PCDHA8: variants seen among roughly 807,000 people sequenced by gnomAD.
The protein encoded by PCDHA8 is protocadherin alpha 8, also known as protocadherin alpha-8.
PCDHA8 carries 53 observed loss-of-function variants against 61.8 expected under a neutral mutation model. That is an observed-to-expected ratio of 0.86 (90% CI 0.69 to 1.08). PCDHA8 has a LOEUF of 1.08. Among genes scored for constraint, PCDHA8 ranks in the 50% least tolerant of loss-of-function variants. PCDHA8 has a pLI of 0.00. For synonymous variants in PCDHA8, 618 were observed against 556.6 expected, an observed-to-expected ratio of 1.11 and a Z score of -1.55; for missense variants, 1,293 against 1,245.0, an observed-to-expected ratio of 1.04 and a Z score of -0.58.
intron 3 of PCDHA8, among the ~76,000 whole-genome samples, chr5:141,000,385 CTCTCTCTCTCTATATA>C (rs1454405199): frequency 1.1e-4 from 7 of 64,984 alleles, no homozygotes; most frequent in African/African-American, 4.8e-4. Flanking sequence ...CTCTCTCTCT[CTCTCTCTCTCTATATA>C]TATATATATA....
At position 140,942,948 on chromosome 5, in the gene PCDHA8, C is replaced by T. The variant is rs534534050; in HGVS notation, c.2395-36001C>T. 1.4e-4 allele frequency among the ~76,000 whole-genome samples: 22 copies of T among 151,804 alleles called. No individual in the cohort carries two copies. The South Asian group carries it at 4.0e-3, about 27-fold the overall frequency. On this transcript the variant is annotated intron_variant, in intron 1 of 3. Transcript: ENST00000531613. ...ATTGAAAAAGAGTTTAAAGTGTAGA[C>T]GTTCTGTTATCAGAATTAAATTTTG... is the stretch of plus-strand genomic sequence containing the variant.
Position 140,847,724 on chromosome 5 carries a change from A to G in PCDHA8, c.2394+4009A>G, listed in dbSNP as rs2150403013. 2.0e-5 allele frequency: 3 copies of G among 150,110 alleles called. No individual in the cohort carries two copies. The South Asian group carries it at 6.3e-4, about 32-fold the overall frequency. 9.3% of individuals were successfully genotyped at this position (150,110 alleles called of 1,614,324 possible). ...ACAGATTGTATAAATGCTACAAAAGAGAAAAATATATTTTCTCCCCACGCA... is the reference window on the plus strand; with the variant it reads ...ACAGATTGTATAAATGCTACAAAAGGGAAAAATATATTTTCTCCCCACGCA... On this transcript the variant is annotated intron_variant, in intron 1 of 3. Transcript: ENST00000531613.
intron 1 of PCDHA8, among the ~76,000 whole-genome samples, chr5:140,890,258 A>G (rs2062565845): frequency 6.6e-6 from 1 of 152,030 alleles, no homozygotes; most frequent in East Asian, 1.9e-4. Flanking sequence ...ACTGCACCTG[A>G]TTGCAAGCAA....
chr5:140,999,027 T>A (rs2097843534), intron 3 of PCDHA8, among the ~76,000 whole-genome samples: 1 of 152,262 alleles, frequency 6.6e-6, no homozygotes, highest in Admixed American at 6.5e-5. Flanking sequence ...AGACTTTTGA[T>A]ACTTCGTCCA....
At chr5:140,891,827 A>G (rs943963989) in intron 1 of PCDHA8, among the ~76,000 whole-genome samples, 1 of 152,212 alleles carries the variant, frequency 6.6e-6, no homozygotes, top group Non-Finnish European at 1.5e-5. Flanking sequence ...ACGGCACTGT[A>G]AAAGGACTTG....
At position 140,853,823 on chromosome 5, in the gene PCDHA8, T is replaced by C. The variant is rs1332082202; in HGVS notation, c.2394+10108T>C. On this transcript the variant is annotated intron_variant, in intron 1 of 3. Transcript: ENST00000531613. ...TAAAGCACACCTGAGATGATTCTCA[T>C]ACAACCGAAATTTTAGATCCATAGC... 6.3e-5 allele frequency: 62 copies of C among 986,786 alleles called. 2 individuals are homozygous for C. The highest frequency in any genetic ancestry group is 7.3e-5 in the Non-Finnish European group (60 of 818,922). The allele number at this position is 986,786 out of a possible 1,614,324, so 61.1% of individuals were successfully genotyped here. A position where few individuals can be genotyped will look rare whatever the true frequency, so the allele number is the denominator to read the frequency against.
At chr5:140,949,691 T>C (rs2094413493) in intron 1 of PCDHA8, among the ~76,000 whole-genome samples, 1 of 151,872 alleles carries the variant, frequency 6.6e-6, no homozygotes, top group Non-Finnish European at 1.5e-5. Context: ...AAGCGTATTG[T>C]TGGATCTTGC....
intron 3 of PCDHA8, among the ~76,000 whole-genome samples, chr5:140,999,159 G>T (rs1056236953): frequency 6.6e-6 from 1 of 152,182 alleles, no homozygotes; most frequent in Non-Finnish European, 1.5e-5. Flanking sequence ...CAGTCCCCTA[G>T]AAGGAAAAGA....
intron 1 of PCDHA8, among the ~76,000 whole-genome samples, chr5:140,873,723 CAA>C (rs1554166874): frequency 6.6e-6 from 1 of 152,158 alleles, no homozygotes; most frequent in Non-Finnish European, 1.5e-5. Context: ...TGCAGTGGCG[CAA>C]TCTCAGCTCA....
At chr5:140,961,561 T>C (rs1554225472) in intron 1 of PCDHA8, among the ~76,000 whole-genome samples, 1 of 152,170 alleles carries the variant, frequency 6.6e-6, no homozygotes, top group African/African-American at 2.4e-5. Flanking sequence ...TTTTTTTAAA[T>C]TTTGTTTTGA....
In PCDHA8 at chr5:140,877,673, C is replaced by T. The variant is rs1187719075; in HGVS notation, c.2394+33958C>T. The T allele has an allele frequency of 2.5e-5, 40 of 1,613,532 alleles. No individual in the cohort carries two copies. In the East Asian group the frequency reaches 8.0e-4, roughly 32 times the overall value. Reference sequence around the variant, plus strand: ...CCGCCCACCGTGAGCCGGTGCGCGCCGGGCAAGCCCACGCTGGTGTGCTCC... The same window carrying T: ...CCGCCCACCGTGAGCCGGTGCGCGCTGGGCAAGCCCACGCTGGTGTGCTCC... On this transcript the variant is annotated intron_variant, in intron 1 of 3. Transcript: ENST00000531613.
intron 1 of PCDHA8, chr5:140,850,802 C>T: frequency 6.3e-7 from 1 of 1,598,420 alleles, no homozygotes; most frequent in Non-Finnish European, 8.6e-7. Flanking sequence ...AGACCGACCT[C>T]ATGGCCTTCA....
At chr5:141,009,455 A>G in intron 3 of PCDHA8, 172 bp from the exon 4 acceptor site, 1 of 946,862 alleles carries the variant, frequency 1.1e-6, no homozygotes, top group Non-Finnish European at 1.3e-6. Flanking sequence ...AAAAAATTAA[A>G]CAAATAAATA....
rs78166744 is a variant in PCDHA8, at chr5:140,875,394, G to A, written c.2394+31679G>A. Reference sequence around the variant, plus strand: ...TACTAAATATGTACTTACAGAAAAGGGTGACTGCTCATAAAATACCTCAGG... The same window carrying A: ...TACTAAATATGTACTTACAGAAAAGAGTGACTGCTCATAAAATACCTCAGG... On this transcript the variant is annotated intron_variant, in intron 1 of 3. Coordinates refer to ENST00000531613, the MANE Select transcript of PCDHA8 (RefSeq NM_018911.3). The A allele has an allele frequency of 1.4e-3, 2,104 of 1,476,976 alleles. 18 individuals carry two copies. The African/African-American group carries it at 0.02, about 14-fold the overall frequency. The allele number at this position is 1,476,976 out of a possible 1,614,324, so 91.5% of individuals were successfully genotyped here.
chr5:140,970,792 C>A (rs1554232742), intron 1 of PCDHA8, among the ~76,000 whole-genome samples: 2 of 152,036 alleles, frequency 1.3e-5, no homozygotes, highest in African/African-American at 4.8e-5. Flanking sequence ...TATGTAATAT[C>A]CATATTGTTA....
intron 1 of PCDHA8, among the ~76,000 whole-genome samples, chr5:140,978,243 C>T (rs2096793691): frequency 6.6e-6 from 1 of 152,170 alleles, no homozygotes; most frequent in South Asian, 2.1e-4. Context: ...ATTTCAGCTA[C>T]TCCCTGTTAA....
At chr5:140,925,408 G>C (rs2082482597) in intron 1 of PCDHA8, among the ~76,000 whole-genome samples, 1 of 152,058 alleles carries the variant, frequency 6.6e-6, no homozygotes, top group Non-Finnish European at 1.5e-5. Flanking sequence ...TCCTTCTTAG[G>C]GAAAGGAACT....
chr5:140,921,228 T>G (rs1401455945), intron 1 of PCDHA8, among the ~76,000 whole-genome samples: 11 of 152,154 alleles, frequency 7.2e-5, no homozygotes, highest in African/African-American at 2.7e-4. Context: ...TTTTGCTAGA[T>G]GATATTAAGC....
intron 1 of PCDHA8, among the ~76,000 whole-genome samples, chr5:140,893,814 T>C (rs1254433414): frequency 6.6e-6 from 1 of 152,204 alleles, no homozygotes; most frequent in Non-Finnish European, 1.5e-5. Flanking sequence ...TTGAGTCTGG[T>C]ACCGTAGACT....
Sources: gnomAD v4.1 joint callset for allele counts (sites outside exome capture counted in the v4.1 genomes callset) on GRCh38, gnomAD v4.1.1 for gene constraint, MANE v1.5 for transcripts, NCBI Gene and HGNC (gene_info 2026-07-23, HGNC 2026-07-21) for gene names.